ALS2: variants seen among roughly 807,000 people sequenced by gnomAD.
ALS2 encodes alsin Rho guanine nucleotide exchange factor ALS2.
ALS2 carries 117 observed loss-of-function variants against 203.4 expected under a neutral mutation model. The observed-to-expected ratio is 0.58, with a 90% CI of 0.50 to 0.67. The LOEUF (loss-of-function observed/expected upper bound fraction) is 0.67. ALS2 is among the 30% of genes least tolerant of loss of function. The pLI is 0.00. For synonymous variants in ALS2, 718 were observed against 725.9 expected (o/e 0.99, Z 0.17); for missense variants, 1,715 against 1,989.4 (o/e 0.86, Z 2.62).
At chr2:201,727,557 T>G in intron 16 of ALS2, 148 bp downstream of exon 16, 1 of 745,052 alleles carries the variant, frequency 1.3e-6, no homozygotes, top group South Asian at 1.7e-5. Context: ...ATAGACTACT[T>G]TACTGTCTAA....
intron 11 of ALS2, among the ~76,000 whole-genome samples, chr2:201,739,235 C>CAAA (rs34341730): frequency 2.2e-4 from 9 of 41,078 alleles, no homozygotes; most frequent in East Asian, 5.5e-4. Context: ...GACTGTCTCC[C>CAAA]AAAAAAAAAA....
chr2:201,737,720 G>T (rs1691971149), intron 12 of ALS2, among the ~76,000 whole-genome samples: 1 of 152,054 alleles, frequency 6.6e-6, no homozygotes, highest in Non-Finnish European at 1.5e-5. Context: ...TCAGGGGTTT[G>T]AGACCAGCTT....
In ALS2 at chr2:201,749,926, C is replaced by T. The variant is rs908975205; in HGVS notation, c.1738-137G>A. On this transcript the variant is annotated intron_variant, in intron 7 of 33. Coordinates refer to ENST00000264276, the MANE Select transcript of ALS2 (RefSeq NM_020919.4). ...TAAGTACTTATATTAGTCTTTCACT[C>T]TTTAACAGATATTAAGGAAATTCAT... 28 of 727,872 alleles carry T rather than the reference C, an allele frequency of 3.8e-5. No homozygotes were observed. In the African/African-American group the frequency reaches 4.8e-4, roughly 12 times the overall value. 45.1% of individuals were successfully genotyped at this position (727,872 alleles called of 1,614,324 possible).
chr2:201,772,037 G>GCT (rs1694411157), intron 1 of ALS2, among the ~76,000 whole-genome samples: 1 of 152,232 alleles, frequency 6.6e-6, no homozygotes, highest in African/African-American at 2.4e-5. Flanking sequence ...GCAGGACACA[G>GCT]CTAGATTCAC....
At position 201,715,763 on chromosome 2, in the gene ALS2, C is replaced by T; in HGVS notation, c.3913G>A (p.Gly1305Ser). The T allele has an allele frequency of 6.2e-7, 1 of 1,614,212 alleles. No homozygotes were observed. The highest frequency in any genetic ancestry group is 1.1e-5 in the South Asian group (1 of 91,086). Residue 1305 changes from glycine (G) to serine (S), a missense_variant, in exon 25 of 34, where the codon GGC becomes AGC. Transcript: ENST00000264276. ...TCCCCTTGGCCTGGGCCCTCACAGC[C>T]CAGTTGGCGCCAACATTCGTCAAAC... is the stretch of plus-strand genomic sequence containing the variant. ...AVFDECWRQL[G>S]CEGPGQGEVW...
At position 201,729,139 on chromosome 2, in the gene ALS2, A is replaced by C; in HGVS notation, c.2625T>G (p.Tyr875Ter). 6.2e-7 allele frequency: 1 copy of C among 1,614,098 alleles called. No homozygotes were observed. Among genetic ancestry groups the C allele is most frequent in the Non-Finnish European group, 8.5e-7 (1 of 1,180,004 alleles). ...TGCCGAGATGGAGAGCAAGACACTC[A>C]TAACAAGAACTGGAATCCTGCAGTT... ...YQKLQDSSSC[Y>*]ECLALHLGRK... Residue 875 changes from tyrosine (Y) to a stop codon, truncating the protein, a stop_gained, in exon 14 of 34, where the codon TAT becomes TAG. Transcript: ENST00000264276. LOFTEE classifies it high-confidence loss of function.
At position 201,709,926 on chromosome 2, in the gene ALS2, ACAG is replaced by A; in HGVS notation, c.4232_4234del (p.Ala1411del). ...CTTAAGATAGGACTTAATCTCCTTT[ACAG>A]CCTCCTGCAATAACCTGCGGTTGGC... On this transcript the variant is annotated inframe_deletion, in exon 27 of 34. Transcript: ENST00000264276. The A allele has an allele frequency of 6.2e-7, 1 of 1,614,158 alleles. No homozygotes were observed. The highest frequency in any genetic ancestry group is 8.5e-7 in the Non-Finnish European group (1 of 1,180,000).
chr2:201,746,130 G>A (rs1184557293), intron 9 of ALS2, among the ~76,000 whole-genome samples: 6 of 151,992 alleles, frequency 3.9e-5, no homozygotes, highest in Admixed American at 2.0e-4. Flanking sequence ...AATTCACCTC[G>A]AGGGCTCTAC....
intron 21 of ALS2, 84 bp downstream of exon 21, chr2:201,724,211 C>T: frequency 6.9e-7 from 1 of 1,446,822 alleles, no homozygotes; most frequent in Non-Finnish European, 9.6e-7. Context: ...ATGAAAAAGA[C>T]AAAATAAGTA....
rs544958970 is a variant in ALS2 at position 201,735,509 on chromosome 2, C to A, written c.2418-2071G>T. On this transcript the variant is annotated intron_variant, in intron 12 of 33. Transcript: ENST00000264276. The stretch of plus-strand genomic sequence containing the variant: ...TCATCATCCAAGATCCACTAACAGC[C>A]ATGTGGGCAGCCTAGCTGTGCTTTA... Among the ~76,000 whole-genome samples, 4 of 152,306 alleles carry A rather than the reference C, an allele frequency of 2.6e-5. No homozygotes were observed. In the South Asian group the frequency reaches 6.2e-4, roughly 24 times the overall value.
In ALS2 at chr2:201,761,187, T is replaced by C. The variant is rs762516763; in HGVS notation, c.807A>G (p.Glu269=). ...GGCTGAGAGCAGTGCTGGCATGGTT[T>C]TCTGCCTGAGATTCTGTCAGTGTCA... The part of the protein sequence containing the change: ...LGVTLTESQA[E]NHASTALSPS... Residue 269 remains glutamate (E), a synonymous_variant, in exon 4 of 34, where the codon GAA becomes GAG. Coordinates refer to ENST00000264276, the MANE Select transcript of ALS2 (RefSeq NM_020919.4). 2 of 1,614,224 alleles carry C rather than the reference T, an allele frequency of 1.2e-6. No homozygotes were observed. The highest frequency in any genetic ancestry group is 1.7e-6 in the Non-Finnish European group (2 of 1,180,040).
At chr2:201,761,940 A>T in intron 3 of ALS2, 122 bp from the exon 4 acceptor site, 1 of 1,108,574 alleles carries the variant, frequency 9.0e-7, no homozygotes, top group South Asian at 1.5e-5. Flanking sequence ...TTAAATTTTC[A>T]AAAGCAGTTG....
At chr2:201,729,009 T>G in intron 14 of ALS2, 43 bp downstream of exon 14, 1 of 1,613,848 alleles carries the variant, frequency 6.2e-7, no homozygotes, top group Non-Finnish European at 8.5e-7. Flanking sequence ...ATCGAAATGG[T>G]TGCTGTTTGC....
At chr2:201,761,858 T>G (rs1693792160) in intron 3 of ALS2, 40 bp from the exon 4 acceptor site, 1 of 1,603,762 alleles carries the variant, frequency 6.2e-7, no homozygotes, top group African/African-American at 1.3e-5. Context: ...AAAAAAGGGT[T>G]AGTGAATTAA....
At chr2:201,753,876 G>A (rs567355563) in intron 6 of ALS2, among the ~76,000 whole-genome samples, 2 of 152,132 alleles carry the variant, frequency 1.3e-5, no homozygotes, top group East Asian at 1.9e-4. Context: ...TTAAAAATCT[G>A]AGCCATTCCT....
At chr2:201,766,479 C>G (rs1403283161) in intron 3 of ALS2, among the ~76,000 whole-genome samples, 2 of 151,502 alleles carry the variant, frequency 1.3e-5, no homozygotes, top group Non-Finnish European at 2.9e-5. Flanking sequence ...AACCCCATCT[C>G]TACTAAAAAT....
intron 14 of ALS2, 80 bp from the exon 15 acceptor site, chr2:201,728,720 A>C: frequency 6.6e-7 from 1 of 1,523,354 alleles, no homozygotes; most frequent in Non-Finnish European, 9.0e-7. Context: ...AACAGACACA[A>C]ATCACATTTA....
chr2:201,739,986 T>C (rs1024162356), intron 11 of ALS2, among the ~76,000 whole-genome samples: 6 of 152,126 alleles, frequency 3.9e-5, no homozygotes, highest in Admixed American at 1.3e-4. Flanking sequence ...CAATTAAATA[T>C]GGTTATAATG....
intron 23 of ALS2, among the ~76,000 whole-genome samples, chr2:201,720,662 T>C (rs1690723124): frequency 2.6e-5 from 4 of 151,156 alleles, no homozygotes; most frequent in Non-Finnish European, 5.9e-5. Context: ...TGCAGGGAGC[T>C]GAGAACACGC....
Sources: gnomAD v4.1 joint callset for allele counts (sites outside exome capture counted in the v4.1 genomes callset) on GRCh38, gnomAD v4.1.1 for gene constraint, MANE v1.5 for transcripts, NCBI Gene and HGNC (gene_info 2026-07-23, HGNC 2026-07-21) for gene names.